The following TSHZ2 variants were observed in gnomAD, a reference collection of about 807,000 sequenced individuals.
TSHZ2 encodes teashirt zinc finger homeobox 2, also known as teashirt homolog 2.
A neutral mutation model predicts 74.4 loss-of-function variants in TSHZ2; 21 were observed. The observed-to-expected ratio is 0.28, with a 90% CI of 0.20 to 0.41. The LOEUF is 0.41. TSHZ2 is among the 10% of genes least tolerant of loss of function. TSHZ2 has a pLI of 1.00. For missense variants in TSHZ2, 1,244 were observed against 1,293.5 expected (o/e 0.96, Z 0.59); for synonymous variants, 540 against 515.3 (o/e 1.05, Z -0.65).
intron 2 of TSHZ2, among the ~76,000 whole-genome samples, chr20:53,359,516 G>C (rs1302401533): frequency 6.6e-6 from 1 of 152,114 alleles, no homozygotes; most frequent in African/African-American, 2.4e-5. Context: ...CATTTAACTG[G>C]GTTTGCTGTA....
chr20:52,997,354 C>T (rs1189050892), intron 1 of TSHZ2, among the ~76,000 whole-genome samples: 4 of 151,960 alleles, frequency 2.6e-5, no homozygotes, highest in Non-Finnish European at 5.9e-5. Flanking sequence ...AGTCTTGCCA[C>T]GTGGACTGGC....
chr20:53,185,932 C>T (rs757398751), intron 1 of TSHZ2, among the ~76,000 whole-genome samples: 1 of 152,192 alleles, frequency 6.6e-6, no homozygotes, highest in Non-Finnish European at 1.5e-5. Context: ...GAACATTAGT[C>T]CAAGTCGAGG....
chr20:53,216,609 G>T (rs1989439832), intron 1 of TSHZ2, among the ~76,000 whole-genome samples: 1 of 152,214 alleles, frequency 6.6e-6, no homozygotes, highest in Non-Finnish European at 1.5e-5. Flanking sequence ...GCTGTGAAAA[G>T]CTCCTTGCAC....
At position 53,405,402 on chromosome 20, in the gene TSHZ2, A is replaced by G. The variant is rs1982814095; in HGVS notation, c.*9-81742A>G. Among the ~76,000 whole-genome samples, 9 of 152,326 alleles carry G rather than the reference A, an allele frequency of 5.9e-5. No homozygotes were observed. The South Asian group carries it at 1.9e-3, about 32-fold the overall frequency. On this transcript the variant is annotated intron_variant, in intron 2 of 2. Transcript: ENST00000371497. ...GCAGAACCACCGGGGACTGACATATATTATTTGAGGAAGTCAGCACTTGAA... is the reference window on the plus strand; with the variant it reads ...GCAGAACCACCGGGGACTGACATATGTTATTTGAGGAAGTCAGCACTTGAA...
chr20:53,272,303 CCCG>C (rs1243753528), intron 2 of TSHZ2, among the ~76,000 whole-genome samples: 2 of 152,156 alleles, frequency 1.3e-5, no homozygotes, highest in African/African-American at 4.8e-5. Context: ...AACCACCGTG[CCCG>C]GCCGAGAAGT....
chr20:53,252,730 G>A (rs904015862), intron 1 of TSHZ2, among the ~76,000 whole-genome samples: 1 of 152,158 alleles, frequency 6.6e-6, no homozygotes, highest in East Asian at 1.9e-4. Flanking sequence ...GCACAAGATC[G>A]AGAGGGCATT....
At chr20:53,023,618 TG>T (rs1372605898) in intron 1 of TSHZ2, among the ~76,000 whole-genome samples, 12 of 51,162 alleles carry the variant, frequency 2.3e-4, no homozygotes, top group East Asian at 1.4e-3. Context: ...ACTCGTTTTT[TG>T]TTTTTTTTTT....
intron 2 of TSHZ2, among the ~76,000 whole-genome samples, chr20:53,269,797 T>TA (rs55746415): frequency 3.6e-3 from 513 of 144,448 alleles, no homozygotes; most frequent in South Asian, 0.013. Context: ...TAGAGTATAA[T>TA]AAAAAAAAAA....
chr20:53,251,009 A>G (rs1990316950), intron 1 of TSHZ2, among the ~76,000 whole-genome samples: 2 of 152,078 alleles, frequency 1.3e-5, no homozygotes, highest in South Asian at 2.1e-4. Flanking sequence ...TTACTTCCCA[A>G]CTTCTTGCTA....
chr20:53,045,659 G>A (rs1984201416), intron 1 of TSHZ2, among the ~76,000 whole-genome samples: 1 of 152,222 alleles, frequency 6.6e-6, no homozygotes. Flanking sequence ...GTTCACCCAT[G>A]GAGTCAGATA....
intron 2 of TSHZ2, among the ~76,000 whole-genome samples, chr20:53,364,766 T>C (rs1438089206): frequency 6.6e-6 from 1 of 152,256 alleles, no homozygotes; most frequent in African/African-American, 2.4e-5. Context: ...GCTGTCTTGA[T>C]GTTTCTGGAA....
At chr20:53,449,103 C>A (rs566065930) in intron 2 of TSHZ2, among the ~76,000 whole-genome samples, 1 of 152,284 alleles carries the variant, frequency 6.6e-6, no homozygotes, top group South Asian at 2.1e-4. Flanking sequence ...CATCACCCCC[C>A]AACACTTTAC....
At chr20:53,072,032 C>A (rs954249417) in intron 1 of TSHZ2, among the ~76,000 whole-genome samples, 4 of 152,166 alleles carry the variant, frequency 2.6e-5, no homozygotes, top group Non-Finnish European at 5.9e-5. Context: ...CTAAACATCC[C>A]GTAATGCACA....
intron 2 of TSHZ2, among the ~76,000 whole-genome samples, chr20:53,409,277 T>A (rs1982961060): frequency 6.6e-6 from 1 of 151,990 alleles, no homozygotes; most frequent in South Asian, 2.1e-4. Context: ...AAAAAAAAAA[T>A]TATCTTTCTA....
intron 1 of TSHZ2, among the ~76,000 whole-genome samples, chr20:53,181,534 A>G (rs1010617157): frequency 5.3e-5 from 8 of 152,224 alleles, no homozygotes; most frequent in African/African-American, 1.9e-4. Context: ...ACAGAAAAGC[A>G]TCTAACAAAT....
At chr20:53,085,835 G>A (rs1248378019) in intron 1 of TSHZ2, among the ~76,000 whole-genome samples, 1 of 152,172 alleles carries the variant, frequency 6.6e-6, no homozygotes, top group Non-Finnish European at 1.5e-5. Flanking sequence ...AATTCCCCCT[G>A]AAGTAATCCC....
intron 1 of TSHZ2, among the ~76,000 whole-genome samples, chr20:53,180,191 G>A (rs1988437065): frequency 6.6e-6 from 1 of 152,196 alleles, no homozygotes; most frequent in African/African-American, 2.4e-5. Flanking sequence ...CTTCTCCTGG[G>A]CATGTTGATA....
chr20:52,996,643 C>G (rs1982206430), intron 1 of TSHZ2, among the ~76,000 whole-genome samples: 1 of 152,130 alleles, frequency 6.6e-6, no homozygotes, highest in Non-Finnish European at 1.5e-5. Context: ...AAAAACTGAT[C>G]TAGCAACATA....
chr20:53,317,612 C>T (rs893817910), intron 2 of TSHZ2, among the ~76,000 whole-genome samples: 4 of 152,154 alleles, frequency 2.6e-5, no homozygotes, highest in African/African-American at 4.8e-5. Flanking sequence ...ATGCAGGCCT[C>T]GAGTCCAGCA....
Sources: allele counts gnomAD v4.1 joint callset (sites outside exome capture counted in the v4.1 genomes callset), GRCh38; gene constraint gnomAD v4.1.1; transcripts MANE v1.5; gene names NCBI Gene and HGNC (gene_info 2026-07-23, HGNC 2026-07-21).